LNP1: variants seen among roughly 807,000 people sequenced by gnomAD.
The protein encoded by LNP1 is leukemia NUP98 fusion partner 1.
In LNP1, 12 loss-of-function variants were observed where a neutral mutation model predicts 14.5. The observed-to-expected ratio is 0.83, with a 90% CI of 0.53 to 1.34. The LOEUF is 1.34. LNP1 is among the 40% of genes most tolerant of loss of function. LNP1 has a pLI of 0.00. For missense variants in LNP1, 198 were observed against 210.9 expected, an observed-to-expected ratio of 0.94 and a Z score of 0.38; for synonymous variants, 75 against 71.4, an observed-to-expected ratio of 1.05 and a Z score of -0.26.
chr3:100,441,700 T>C (rs893606508), intron 2 of LNP1, among the ~76,000 whole-genome samples: 4 of 152,050 alleles, frequency 2.6e-5, no homozygotes, highest in African/African-American at 9.7e-5. Flanking sequence ...TCTCACTCTG[T>C]TGCCCAGGCT....
intron 2 of LNP1, among the ~76,000 whole-genome samples, chr3:100,442,886 G>C (rs559803709): frequency 6.6e-6 from 1 of 152,280 alleles, no homozygotes; most frequent in South Asian, 2.1e-4. Flanking sequence ...GGTAGGTCCT[G>C]AGTTGTTATG....
At chr3:100,416,796 A>G (rs1211854636) in intron 1 of LNP1, among the ~76,000 whole-genome samples, 6 of 150,656 alleles carry the variant, frequency 4.0e-5, no homozygotes, top group Non-Finnish European at 7.4e-5. Flanking sequence ...TACATGTGCC[A>G]TGGTGGTTTG....
chr3:100,414,862 C>T (rs948893853), intron 1 of LNP1, among the ~76,000 whole-genome samples: 1 of 152,182 alleles, frequency 6.6e-6, no homozygotes, highest in Non-Finnish European at 1.5e-5. Flanking sequence ...ATAGAGGACT[C>T]AGCTAACCTG....
intron 1 of LNP1, among the ~76,000 whole-genome samples, chr3:100,418,109 G>A (rs1171737935): frequency 2.0e-5 from 3 of 147,620 alleles, no homozygotes; most frequent in Non-Finnish European, 4.5e-5. Context: ...GCCCTGGCTG[G>A]AGTGCAGTGG....
chr3:100,455,633 G>T, intron 3 of LNP1, 144 bp from the exon 4 acceptor site: 1 of 769,540 alleles, frequency 1.3e-6, no homozygotes, highest in Admixed American at 2.6e-5. Flanking sequence ...ACATCCTTAG[G>T]TTTATGCTAA....
chr3:100,417,697 G>A (rs943027482), intron 1 of LNP1, among the ~76,000 whole-genome samples: 3 of 151,924 alleles, frequency 2.0e-5, no homozygotes, highest in African/African-American at 4.8e-5. Context: ...TTTTCAATAC[G>A]TAGTTTTAAA....
rs141699753 is a variant in LNP1 at position 100,436,900 on chromosome 3, C to T, written c.156+7015C>T. On this transcript the variant is annotated intron_variant, in intron 2 of 3. Coordinates refer to ENST00000383693, the MANE Select transcript of LNP1 (RefSeq NM_001085451.2). The stretch of plus-strand genomic sequence containing the variant: ...AGACATCAGAGAGCTTTTTCTTTCT[C>T]TCTCTATCCCCACATATGCATTTAA... Among the ~76,000 whole-genome samples the T allele has an allele frequency of 1.6e-4, 24 of 152,306 alleles. No homozygotes were observed. The South Asian group carries it at 5.0e-3, about 32-fold the overall frequency.
intron 1 of LNP1, among the ~76,000 whole-genome samples, chr3:100,406,389 C>A (rs905256539): frequency 2.0e-5 from 3 of 152,040 alleles, no homozygotes; most frequent in Non-Finnish European, 4.4e-5. Flanking sequence ...AGAAACTGTT[C>A]ATTTTGTACA....
intron 2 of LNP1, among the ~76,000 whole-genome samples, chr3:100,439,489 A>G (rs1160807997): frequency 6.6e-6 from 1 of 152,140 alleles, no homozygotes; most frequent in Non-Finnish European, 1.5e-5. Context: ...GGATCTGCCC[A>G]TGTGGTGCTC....
chr3:100,407,244 C>T (rs1215974959), intron 1 of LNP1, among the ~76,000 whole-genome samples: 4 of 152,206 alleles, frequency 2.6e-5, no homozygotes, highest in African/African-American at 7.2e-5. Flanking sequence ...GCTTGAAGAA[C>T]ACCCTTTAGC....
intron 1 of LNP1, among the ~76,000 whole-genome samples, chr3:100,423,456 G>A (rs1298057461): frequency 2.0e-5 from 3 of 152,012 alleles, no homozygotes; most frequent in African/African-American, 4.8e-5. Context: ...CCAGGAGTTC[G>A]AGACCAGCCT....
At chr3:100,451,332 A>C (rs1235507678) in intron 2 of LNP1, among the ~76,000 whole-genome samples, 7 of 152,220 alleles carry the variant, frequency 4.6e-5, no homozygotes. Flanking sequence ...AAGGCAGGAC[A>C]ACTCAAAGGT....
chr3:100,424,598 G>C (rs1162706532), intron 1 of LNP1, among the ~76,000 whole-genome samples: 1 of 152,218 alleles, frequency 6.6e-6, no homozygotes, highest in African/African-American at 2.4e-5. Flanking sequence ...ACAAACTCCA[G>C]ATTTGCAGAA....
At chr3:100,431,609 T>A (rs1307191602) in intron 2 of LNP1, among the ~76,000 whole-genome samples, 1 of 151,388 alleles carries the variant, frequency 6.6e-6, no homozygotes, top group Non-Finnish European at 1.5e-5. Context: ...AGTTGGGGAG[T>A]CTAATTCTTC....
chr3:100,420,614 G>A (rs1234526614), intron 1 of LNP1, among the ~76,000 whole-genome samples: 1 of 152,040 alleles, frequency 6.6e-6, no homozygotes, highest in Non-Finnish European at 1.5e-5. Context: ...ACCATGCCTG[G>A]CCTTTGTTTT....
intron 2 of LNP1, among the ~76,000 whole-genome samples, chr3:100,440,221 T>A (rs1431381179): frequency 6.6e-6 from 1 of 152,194 alleles, no homozygotes; most frequent in Non-Finnish European, 1.5e-5. Context: ...TTTAACGTAA[T>A]CACCTCTTTA....
rs888589077 is a variant in LNP1, at chr3:100,405,014, G to C, written c.-34+2575G>C. Among the ~76,000 whole-genome samples, 4 of 151,902 alleles carry C rather than the reference G, an allele frequency of 2.6e-5. No homozygotes were observed. In the South Asian group the frequency reaches 8.3e-4, roughly 32 times the overall value. ...TCACCGTGTTAGCCAGGATGGTCTC[G>C]ATCTTCTGACCTCGTGATCCGCCCG... On this transcript the variant is annotated intron_variant, in intron 1 of 3. Transcript: ENST00000383693.
At chr3:100,447,645 C>T (rs921497293) in intron 2 of LNP1, among the ~76,000 whole-genome samples, 101 of 151,996 alleles carry the variant, frequency 6.6e-4, no homozygotes, top group African/African-American at 2.3e-3. Flanking sequence ...ATGACTTACA[C>T]AGACCTTTCA....
intron 3 of LNP1, 55 bp downstream of exon 3, chr3:100,452,004 G>A (rs1426872314): frequency 1.7e-5 from 20 of 1,189,236 alleles, no homozygotes; most frequent in Non-Finnish European, 1.2e-6. Flanking sequence ...AAACCCAAAG[G>A]TTTTGTCCTC....
Sources: allele counts gnomAD v4.1 joint callset (sites outside exome capture counted in the v4.1 genomes callset), GRCh38; gene constraint gnomAD v4.1.1; transcripts MANE v1.5; gene names NCBI Gene and HGNC (gene_info 2026-07-23, HGNC 2026-07-21).